ATP11C: variants seen among roughly 807,000 people sequenced by gnomAD.
The protein encoded by ATP11C is phospholipid-transporting ATPase IG.
A neutral mutation model predicts 97.4 loss-of-function variants in ATP11C; 36 were observed. The observed-to-expected ratio is 0.37, with a 90% confidence interval of 0.28 to 0.49. The LOEUF (loss-of-function observed/expected upper bound fraction) is 0.49, where lower values mean the gene tolerates loss of function less well. Among genes scored for constraint, ATP11C ranks in the 20% least tolerant of loss-of-function variants. The pLI is 0.98. For missense variants in ATP11C, 730 were observed against 824.6 expected, an observed-to-expected ratio of 0.89 and a Z score of 1.40; for synonymous variants, 275 against 290.9, an observed-to-expected ratio of 0.95 and a Z score of 0.56.
intron 1 of ATP11C, among the ~76,000 whole-genome samples, chrX:139,851,276 G>T (rs62609092): frequency 0.02 from 2,267 of 112,366 alleles, 17 homozygotes; most frequent in Non-Finnish European, 0.032. Flanking sequence ...GCCCAGGTGA[G>T]GATCGAGCTG....
intron 1 of ATP11C, among the ~76,000 whole-genome samples, chrX:139,904,913 C>G (rs1434793977): frequency 8.9e-6 from 1 of 111,904 alleles, no homozygotes; most frequent in Non-Finnish European, 1.9e-5. Flanking sequence ...GAATCGTGCT[C>G]TAAGTATGAA....
rs774662939 is a variant in ATP11C, at chrX:139,841,295, T to G, written c.28-14472A>C. Among the ~76,000 whole-genome samples, 8 of 112,395 alleles carry G rather than the reference T, an allele frequency of 7.1e-5. No homozygotes were observed. The South Asian group carries it at 3.0e-3, about 42-fold the overall frequency. ...ACTACTGGGCAATCAACTCTAAACC[T>G]AGATACTCTACTACAATTAGACAAC... On this transcript the variant is annotated intron_variant, in intron 1 of 29. Transcript: ENST00000682941.
chrX:139,873,503 T>C (rs2084410202), intron 1 of ATP11C, among the ~76,000 whole-genome samples: 1 of 108,951 alleles, frequency 9.2e-6, no homozygotes, highest in African/African-American at 3.4e-5. Flanking sequence ...AGGCCAGGAG[T>C]TGGAGACCAG....
At chrX:139,796,876 A>T (rs2082808941) in intron 11 of ATP11C, among the ~76,000 whole-genome samples, 1 of 111,904 alleles carries the variant, frequency 8.9e-6, no homozygotes, top group South Asian at 3.7e-4. Flanking sequence ...TTAAATTCTT[A>T]TATAAAGAGC....
At chrX:139,757,893 A>T (rs1318607585) in intron 22 of ATP11C, 26 bp from the exon 23 acceptor site, 1 of 1,055,155 alleles carries the variant, frequency 9.5e-7, no homozygotes, top group South Asian at 2.2e-5. Flanking sequence ...TAAGACAAGG[A>T]TTAACATTTT....
At chrX:139,854,084 T>C (rs1333381406) in intron 1 of ATP11C, among the ~76,000 whole-genome samples, 2 of 111,077 alleles carry the variant, frequency 1.8e-5, no homozygotes, top group Non-Finnish European at 3.8e-5. Context: ...AAAGACACAA[T>C]AGGTATTCAG....
intron 22 of ATP11C, among the ~76,000 whole-genome samples, chrX:139,760,338 T>C (rs978223240): frequency 4.7e-5 from 5 of 105,499 alleles, no homozygotes; most frequent in African/African-American, 2.0e-4. Flanking sequence ...CCACAGTGTT[T>C]GGCCTGGCTA....
chrX:139,829,792 T>A (rs1387668817), intron 1 of ATP11C, among the ~76,000 whole-genome samples: 5 of 111,441 alleles, frequency 4.5e-5, no homozygotes. Context: ...TTTCTCAAGA[T>A]AAAAATCAAC....
At chrX:139,776,592 C>T (rs2082354134) in intron 18 of ATP11C, among the ~76,000 whole-genome samples, 1 of 111,282 alleles carries the variant, frequency 9.0e-6, no homozygotes, top group Admixed American at 9.5e-5. Flanking sequence ...TTGTTCCTTT[C>T]CCCAAGACCC....
chrX:139,772,587 A>T (rs1321048399), intron 19 of ATP11C, among the ~76,000 whole-genome samples: 1 of 112,027 alleles, frequency 8.9e-6, no homozygotes, highest in Non-Finnish European at 1.9e-5. Flanking sequence ...AGAGCTGCCC[A>T]AGACCATGGG....
intron 5 of ATP11C, among the ~76,000 whole-genome samples, chrX:139,807,076 A>G (rs1746675232): frequency 9.0e-6 from 1 of 111,201 alleles, no homozygotes; most frequent in African/African-American, 3.3e-5. Context: ...TTTGGTGCAT[A>G]TGGCCTGCTT....
intron 29 of ATP11C, among the ~76,000 whole-genome samples, chrX:139,730,655 GAACT>G (rs937666509): frequency 9.0e-6 from 1 of 111,119 alleles, no homozygotes; most frequent in Non-Finnish European, 1.9e-5. Context: ...GCTTCAAAGT[GAACT>G]AACCCACAAT....
At chrX:139,732,187 C>T (rs867814943) in intron 28 of ATP11C, among the ~76,000 whole-genome samples, 1 of 110,802 alleles carries the variant, frequency 9.0e-6, no homozygotes, top group African/African-American at 3.3e-5. Flanking sequence ...CTCTAACACG[C>T]CATGGCCACT....
At chrX:139,745,657 C>T (rs2081666051) in intron 25 of ATP11C, 65 bp downstream of exon 25, 21 of 1,117,445 alleles carry the variant, frequency 1.9e-5, no homozygotes, top group Admixed American at 2.7e-5. Context: ...ACAAATCCAG[C>T]ACCTATGGGA....
At chrX:139,864,831 A>G (rs1033348459) in intron 1 of ATP11C, among the ~76,000 whole-genome samples, 1 of 112,268 alleles carries the variant, frequency 8.9e-6, no homozygotes, top group African/African-American at 3.2e-5. Flanking sequence ...AGACTTGTCT[A>G]TCTTAACTAG....
At chrX:139,935,081 T>C (rs1440044992), upstream of ATP11C, among the ~76,000 whole-genome samples, 8 of 112,281 alleles carry the variant, frequency 7.1e-5, no homozygotes, top group Non-Finnish European at 7.5e-5. Context: ...TAGTGAATAG[T>C]AAATAATATC....
Position 139,868,841 on chromosome X carries a change from C to G in ATP11C, c.28-42018G>C, listed in dbSNP as rs751779569. Among the ~76,000 whole-genome samples the G allele has an allele frequency of 3.6e-5, 4 of 111,579 alleles. No individual in the cohort carries two copies. In the South Asian group the frequency reaches 1.5e-3, roughly 42 times the overall value. On this transcript the variant is annotated intron_variant, in intron 1 of 29. Coordinates refer to ENST00000682941, the MANE Select transcript of ATP11C (RefSeq NM_001353812.2). Reference sequence around the variant, plus strand: ...TAGACACTTCTCCAAAAAAGACATACAATGGCCAACAGGTAAATGAAAAGG... The same window carrying G: ...TAGACACTTCTCCAAAAAAGACATAGAATGGCCAACAGGTAAATGAAAAGG...
intron 1 of ATP11C, chrX:139,832,239 A>C: frequency 8.3e-7 from 1 of 1,199,992 alleles, no homozygotes; most frequent in Non-Finnish European, 1.1e-6. Flanking sequence ...TCTCAGAGAG[A>C]ATGCTGCAGA....
chrX:139,862,821 T>C (rs1194009034), intron 1 of ATP11C, among the ~76,000 whole-genome samples: 2 of 112,113 alleles, frequency 1.8e-5, no homozygotes, highest in Non-Finnish European at 3.8e-5. Flanking sequence ...TGAACCACTA[T>C]GTATACAGTT....
Sources: allele counts gnomAD v4.1 joint callset (sites outside exome capture counted in the v4.1 genomes callset), GRCh38; gene constraint gnomAD v4.1.1; transcripts MANE v1.5; gene names NCBI Gene and HGNC (gene_info 2026-07-23, HGNC 2026-07-21).